The following AFG1L variants were observed in gnomAD, a reference collection of about 807,000 sequenced individuals.
AFG1L encodes AFG1 like ATPase.
In AFG1L, 53 loss-of-function variants were observed where a neutral mutation model predicts 62.2. The ratio of observed to expected loss-of-function variants is 0.85; its 90% CI spans 0.68 to 1.07. The LOEUF (loss-of-function observed/expected upper bound fraction) is 1.07. Ranked by LOEUF, AFG1L falls within the 50% of genes least tolerant of loss-of-function variation. AFG1L has a pLI of 0.00. For missense variants in AFG1L, 555 were observed against 590.5 expected (o/e 0.94, Z 0.62); for synonymous variants, 228 against 210.3 (o/e 1.08, Z -0.73).
rs534201949 is a variant in AFG1L at position 108,501,732 on chromosome 6, A to G, written c.1063-8480A>G. ...TCTCTCACTCCCTGGTCTGAACTTGATCACACAGCCACACTTAAATCTAAG... is the reference window on the plus strand; with the variant it reads ...TCTCTCACTCCCTGGTCTGAACTTGGTCACACAGCCACACTTAAATCTAAG... On this transcript the variant is annotated intron_variant, in intron 10 of 12. Transcript: ENST00000368977. Among the ~76,000 whole-genome samples, 10 of 152,242 alleles carry G rather than the reference A, an allele frequency of 6.6e-5. No individual in the cohort carries two copies. The South Asian group carries it at 2.1e-3, about 32-fold the overall frequency.
intron 2 of AFG1L, among the ~76,000 whole-genome samples, chr6:108,341,951 C>A (rs1042847803): frequency 3.3e-5 from 5 of 152,080 alleles, no homozygotes; most frequent in Middle Eastern, 3.2e-3. Flanking sequence ...AGAGTCCTGG[C>A]AGAAAACAAT....
intron 2 of AFG1L, among the ~76,000 whole-genome samples, chr6:108,331,137 A>G (rs1443239134): frequency 5.3e-5 from 8 of 152,042 alleles, no homozygotes; most frequent in Non-Finnish European, 1.0e-4. Flanking sequence ...AAAAAAAAAA[A>G]TTAGCTAGGC....
chr6:108,414,682 C>T (rs181300749), intron 7 of AFG1L, among the ~76,000 whole-genome samples: 14 of 152,318 alleles, frequency 9.2e-5, no homozygotes, highest in Non-Finnish European at 1.5e-4. Context: ...ACATGATTAT[C>T]TCAATAGTTG....
At chr6:108,360,779 C>T (rs1460842390) in intron 5 of AFG1L, among the ~76,000 whole-genome samples, 1 of 152,156 alleles carries the variant, frequency 6.6e-6, no homozygotes, top group Non-Finnish European at 1.5e-5. Context: ...CTCCAATACA[C>T]CAAAATTAGA....
chr6:108,434,286 T>C (rs578035323), intron 7 of AFG1L, among the ~76,000 whole-genome samples: 1 of 152,308 alleles, frequency 6.6e-6, no homozygotes, highest in East Asian at 1.9e-4. Flanking sequence ...GTGCCAAGCC[T>C]AATATCTAGG....
intron 6 of AFG1L, among the ~76,000 whole-genome samples, chr6:108,385,660 G>A (rs2083256911): frequency 6.6e-6 from 1 of 152,100 alleles, no homozygotes; most frequent in African/African-American, 2.4e-5. Flanking sequence ...TTTCTCTAGC[G>A]CCGCTGGGTT....
At chr6:108,329,921 T>A (rs1419092296) in intron 2 of AFG1L, among the ~76,000 whole-genome samples, 1 of 152,136 alleles carries the variant, frequency 6.6e-6, no homozygotes, top group Non-Finnish European at 1.5e-5. Flanking sequence ...GGTCATGAGA[T>A]CTCTGCTGTC....
intron 11 of AFG1L, among the ~76,000 whole-genome samples, chr6:108,511,599 G>T (rs1774655219): frequency 1.3e-5 from 2 of 152,178 alleles, no homozygotes; most frequent in African/African-American, 4.8e-5. Flanking sequence ...GAATATATCT[G>T]TAAATATAGA....
At chr6:108,349,348 G>T (rs1284116299) in intron 3 of AFG1L, among the ~76,000 whole-genome samples, 2 of 152,026 alleles carry the variant, frequency 1.3e-5, no homozygotes, top group African/African-American at 4.8e-5. Flanking sequence ...GCCTGGTGTG[G>T]TGGCATGTGC....
At chr6:108,302,791 A>T (rs1031015864) in intron 1 of AFG1L, among the ~76,000 whole-genome samples, 1 of 152,220 alleles carries the variant, frequency 6.6e-6, no homozygotes, top group Non-Finnish European at 1.5e-5. Context: ...TATTGCACTT[A>T]TGCAAATAAC....
At chr6:108,432,768 CAG>C in intron 7 of AFG1L, among the ~76,000 whole-genome samples, 1 of 152,266 alleles carries the variant, frequency 6.6e-6, no homozygotes, top group South Asian at 2.1e-4. Context: ...TAAAACAAAA[CAG>C]AAAAAAATCA....
At chr6:108,430,360 G>A (rs901586483) in intron 7 of AFG1L, among the ~76,000 whole-genome samples, 3 of 152,164 alleles carry the variant, frequency 2.0e-5, no homozygotes, top group Non-Finnish European at 2.9e-5. Context: ...ATTTTATTGG[G>A]TGTTGCTTAT....
chr6:108,394,576 T>C (rs895750093), intron 6 of AFG1L, among the ~76,000 whole-genome samples: 1 of 152,232 alleles, frequency 6.6e-6, no homozygotes, highest in Non-Finnish European at 1.5e-5. Context: ...TCACATAGTA[T>C]GTACTCATTT....
intron 4 of AFG1L, among the ~76,000 whole-genome samples, 180 bp downstream of exon 4, chr6:108,355,935 T>C (rs1207867281): frequency 6.6e-6 from 1 of 152,208 alleles, no homozygotes; most frequent in African/African-American, 2.4e-5. Context: ...AGTTGGTCCT[T>C]AAGACCAATT....
At chr6:108,502,057 C>T (rs1327602187) in intron 10 of AFG1L, among the ~76,000 whole-genome samples, 1 of 152,200 alleles carries the variant, frequency 6.6e-6, no homozygotes, top group Non-Finnish European at 1.5e-5. Context: ...GACAGAGTCT[C>T]ACTCTGTTGC....
chr6:108,302,694 T>C (rs1003794606), intron 1 of AFG1L, among the ~76,000 whole-genome samples: 1 of 152,178 alleles, frequency 6.6e-6, no homozygotes, highest in African/African-American at 2.4e-5. Flanking sequence ...TTTGATTCCT[T>C]AAAGGAAAGC....
chr6:108,365,382 T>C (rs1452430162), intron 5 of AFG1L, among the ~76,000 whole-genome samples: 6 of 151,984 alleles, frequency 3.9e-5, no homozygotes, highest in Non-Finnish European at 7.4e-5. Flanking sequence ...AAAAGATCAA[T>C]AAACCTAACT....
intron 7 of AFG1L, among the ~76,000 whole-genome samples, chr6:108,425,786 T>C (rs1279646706): frequency 6.6e-6 from 1 of 152,158 alleles, no homozygotes; most frequent in East Asian, 1.9e-4. Context: ...TTCTTTTATA[T>C]AAAAGTATAA....
At chr6:108,381,813 A>C (rs1780538554) in intron 6 of AFG1L, among the ~76,000 whole-genome samples, 1 of 152,232 alleles carries the variant, frequency 6.6e-6, no homozygotes, top group African/African-American at 2.4e-5. Flanking sequence ...TTAAATTAAT[A>C]GTTCAACTTG....
Sources: gnomAD v4.1 joint callset for allele counts (sites outside exome capture counted in the v4.1 genomes callset) on GRCh38, gnomAD v4.1.1 for gene constraint, MANE v1.5 for transcripts, NCBI Gene and HGNC (gene_info 2026-07-23, HGNC 2026-07-21) for gene names.